The following WDR48 variants were observed in gnomAD, a reference collection of about 807,000 sequenced individuals.
The protein encoded by WDR48 is WD repeat-containing protein 48.
Under a neutral mutation model 94.0 loss-of-function variants are expected in WDR48, and 22 were observed. The observed-to-expected ratio is 0.23, with a 90% CI of 0.17 to 0.33. The LOEUF (loss-of-function observed/expected upper bound fraction) is 0.33. Among genes scored for constraint, WDR48 ranks in the 10% least tolerant of loss-of-function variants. The pLI, the probability that WDR48 is intolerant of heterozygous loss-of-function variation, is 1.00. For missense variants in WDR48, 541 were observed against 813.8 expected (o/e 0.66, Z 4.08); for synonymous variants, 278 against 280.5 (o/e 0.99, Z 0.09).
intron 9 of WDR48, among the ~76,000 whole-genome samples, chr3:39,077,832 T>G (rs1246288967): frequency 2.0e-5 from 3 of 152,242 alleles, no homozygotes; most frequent in Non-Finnish European, 4.4e-5. Flanking sequence ...ATACTTATTT[T>G]TTAAATGTTG....
Position 39,063,141 on chromosome 3 carries a change from C to T in WDR48, c.140C>T (p.Thr47Ile), listed in dbSNP as rs1559600445. The T allele has an allele frequency of 6.2e-7, 1 of 1,613,998 alleles. No homozygotes were observed. Among genetic ancestry groups the T allele is most frequent in the African/African-American group, 1.3e-5 (1 of 74,918 alleles). Reference sequence around the variant, plus strand: ...GATCCAGCACTAAATAGACTTTTCACAGCCGGTCGAGACTCTATCATAAGA... The same window carrying T: ...GATCCAGCACTAAATAGACTTTTCATAGCCGGTCGAGACTCTATCATAAGA... ...QLDPALNRLF[T>I]AGRDSIIRIW... Residue 47 changes from threonine to isoleucine, a missense_variant, in exon 2 of 19, where the codon ACA becomes ATA. Thr to Ile is a moderately conservative substitution (Grantham distance 89, BLOSUM62 -1). Coordinates refer to ENST00000302313, the MANE Select transcript of WDR48 (RefSeq NM_020839.4).
At chr3:39,070,890 T>G (rs2033894062) in intron 7 of WDR48, among the ~76,000 whole-genome samples, 1 of 152,020 alleles carries the variant, frequency 6.6e-6, no homozygotes, top group Admixed American at 6.6e-5. Context: ...TGTCCATGTG[T>G]TCTTATTGTT....
At chr3:39,094,259 G>A (rs888586720) in intron 18 of WDR48, 193 bp downstream of exon 18, 34 of 1,439,232 alleles carry the variant, frequency 2.4e-5, no homozygotes, top group Non-Finnish European at 3.1e-5. Flanking sequence ...ATAGACAAAT[G>A]TGGATGTGCT....
intron 6 of WDR48, 40 bp from the exon 7 acceptor site, chr3:39,069,603 G>C: frequency 6.7e-7 from 1 of 1,495,052 alleles, no homozygotes; most frequent in Non-Finnish European, 9.2e-7. Context: ...ATTTGATACT[G>C]ATATATTTAG....
At chr3:39,056,455 T>A (rs1223212536) in intron 1 of WDR48, among the ~76,000 whole-genome samples, 1 of 152,174 alleles carries the variant, frequency 6.6e-6, no homozygotes, top group African/African-American at 2.4e-5. Context: ...TCGAAGGGGC[T>A]TTCTAAATGC....
At chr3:39,085,750 A>C in intron 14 of WDR48, 140 bp downstream of exon 14, 2 of 676,958 alleles carry the variant, frequency 3.0e-6, no homozygotes, top group Non-Finnish European at 4.9e-6. Flanking sequence ...CCATATCTCA[A>C]AGTAGGAACA....
chr3:39,079,835 A>G, intron 11 of WDR48, 27 bp downstream of exon 11: 1 of 1,388,428 alleles, frequency 7.2e-7, no homozygotes, highest in Non-Finnish European at 9.7e-7. Flanking sequence ...GGCTAAATAT[A>G]GGTTGTTAGA....
intron 16 of WDR48, chr3:39,091,038 A>G (rs2035049701): frequency 6.6e-6 from 1 of 152,308 alleles, no homozygotes; most frequent in Non-Finnish European, 1.5e-5. Context: ...ATACCCTGAG[A>G]AAAGATGACC....
At chr3:39,087,156 A>G (rs2034849547) in intron 14 of WDR48, among the ~76,000 whole-genome samples, 1 of 152,226 alleles carries the variant, frequency 6.6e-6, no homozygotes, top group South Asian at 2.1e-4. Flanking sequence ...TCAGGGGGTC[A>G]GATGCTTCCA....
chr3:39,091,693 C>T lies in WDR48; in HGVS notation c.1737C>T (p.Thr579=). ...CTCATGCATCTTCAGGAGCAAAAAC[C>T]TTAAAAAAGTAAGTAAATATATGGT... ...LQPHASSGAK[T]LKKDRLSASD... The change falls in exon 17 of 19, where the codon ACC becomes ACT. Residue 579 remains threonine (T), a synonymous_variant. Transcript: ENST00000302313. The T allele has an allele frequency of 5.0e-6, 8 of 1,602,760 alleles. No homozygotes were observed. The highest frequency in any genetic ancestry group is 6.8e-6 in the Non-Finnish European group (8 of 1,176,330).
intron 1 of WDR48, chr3:39,052,628 C>G (rs936804884): frequency 6.5e-6 from 1 of 152,688 alleles, no homozygotes; most frequent in Non-Finnish European, 1.5e-5. Flanking sequence ...TAAGAATGTG[C>G]GTGGGGAAAT....
intron 8 of WDR48, among the ~76,000 whole-genome samples, chr3:39,076,318 CATACAT>C (rs1179735979): frequency 6.6e-6 from 1 of 152,158 alleles, no homozygotes; most frequent in Non-Finnish European, 1.5e-5. Context: ...AATTAATAAT[CATACAT>C]ATACAACATG....
At chr3:39,066,327 C>T (rs1275203218) in intron 3 of WDR48, among the ~76,000 whole-genome samples, 1 of 152,146 alleles carries the variant, frequency 6.6e-6, no homozygotes, top group Admixed American at 6.5e-5. Flanking sequence ...AATGTTTGCA[C>T]TGCTTGTTTT....
chr3:39,084,655 T>C lies in WDR48; in HGVS notation c.1292T>C (p.Ile431Thr), dbSNP rs2034713189. The C allele has an allele frequency of 2.5e-6, 4 of 1,613,840 alleles. No individual in the cohort carries two copies. Among genetic ancestry groups the C allele is most frequent in the Non-Finnish European group, 1.7e-6 (2 of 1,179,896 alleles). The change falls in exon 13 of 19, where the codon ATT becomes ACT. Residue 431 changes from isoleucine to threonine, a missense_variant. Ile to Thr is a moderately conservative substitution (Grantham distance 89). Coordinates refer to ENST00000302313, the MANE Select transcript of WDR48 (RefSeq NM_020839.4). The part of the protein sequence containing the change: ...SVDLKTGMLT[I>T]TLDESDCFAA... ...TTTTTCTTTTGATAGATGTTAACTA[T>C]TACTTTGGATGAAAGTGATTGTTTT... is the stretch of plus-strand genomic sequence containing the variant.
Position 39,078,127 on chromosome 3 carries a change from G to T in WDR48, c.973-10G>T, listed in dbSNP as rs764491449. ...ATAACATGATCAAATAACAAATTTT[G>T]TAATTTTAGACTTTGAAAGGAATTC... On this transcript the variant is annotated splice_polypyrimidine_tract_variant and intron_variant, in intron 9 of 18. Coordinates refer to ENST00000302313, the MANE Select transcript of WDR48 (RefSeq NM_020839.4). 2 of 1,593,666 alleles carry T rather than the reference G, an allele frequency of 1.3e-6. No individual in the cohort carries two copies. The highest frequency in any genetic ancestry group is 3.5e-5 in the Admixed American group (2 of 57,854).
intron 8 of WDR48, 83 bp downstream of exon 8, chr3:39,075,033 A>G (rs1311276016): frequency 2.2e-6 from 3 of 1,363,462 alleles, no homozygotes; most frequent in Non-Finnish European, 3.0e-6. Flanking sequence ...ATATTAAAAC[A>G]TGACTCAACT....
At chr3:39,056,006 A>G (rs937491630) in intron 1 of WDR48, among the ~76,000 whole-genome samples, 1 of 152,054 alleles carries the variant, frequency 6.6e-6, no homozygotes, top group Admixed American at 6.5e-5. Flanking sequence ...AATTAAATCC[A>G]TTTTCCTCTA....
intron 13 of WDR48, 22 bp from the exon 14 acceptor site, chr3:39,085,493 T>C (rs1317921663): frequency 6.3e-7 from 1 of 1,592,256 alleles, no homozygotes; most frequent in South Asian, 1.1e-5. Flanking sequence ...ATTTTATCTC[T>C]TTTTAATTAA....
chr3:39,088,195 C>T lies in WDR48; in HGVS notation c.1542C>T (p.Pro514=), dbSNP rs748822997. 15 of 1,614,028 alleles carry T rather than the reference C, an allele frequency of 9.3e-6. No homozygotes were observed. Among genetic ancestry groups the T allele is most frequent in the African/African-American group, 4.0e-5 (3 of 74,898 alleles). The change falls in exon 15 of 19, where the codon CCC becomes CCT. Residue 514 remains proline (P), a synonymous_variant. Transcript: ENST00000302313. ...ATTTTCAAGTGCCCCCACATACACC[C>T]GTGATCTTTGGTGAAGCTGGAGGTC... is the stretch of plus-strand genomic sequence containing the variant. ...NGYFQVPPHT[P]VIFGEAGGRT... is the part of the protein sequence containing the mutation.
Sources: gnomAD v4.1 joint callset for allele counts (sites outside exome capture counted in the v4.1 genomes callset) on GRCh38, gnomAD v4.1.1 for gene constraint, MANE v1.5 for transcripts, NCBI Gene and HGNC (gene_info 2026-07-23, HGNC 2026-07-21) for gene names.